Variants in EHMT1 observed in about 807,000 individuals in gnomAD.
The protein encoded by EHMT1 is histone-lysine N-methyltransferase EHMT1.
Under a neutral mutation model 147.2 loss-of-function variants are expected in EHMT1, and 15 were observed. The ratio of observed to expected loss-of-function variants is 0.10; its 90% CI spans 0.07 to 0.16. EHMT1 has a LOEUF of 0.16. Ranked by LOEUF, EHMT1 falls within the 10% of genes least tolerant of loss-of-function variation. The pLI, the probability that EHMT1 is intolerant of heterozygous loss-of-function variation, is 1.00. For synonymous variants in EHMT1, 795 were observed against 709.6 expected, an observed-to-expected ratio of 1.12 and a Z score of -1.91; for missense variants, 1,587 against 1,772.4, an observed-to-expected ratio of 0.90 and a Z score of 1.88.
intron 12 of EHMT1, chr9:137,777,156 G>C: frequency 2.7e-6 from 1 of 373,694 alleles, no homozygotes; most frequent in South Asian, 2.4e-5. Context: ...CGATAGACGA[G>C]TGGTGGCTGC....
intron 17 of EHMT1, among the ~76,000 whole-genome samples, chr9:137,800,031 C>T (rs1213552663): frequency 6.6e-6 from 1 of 152,160 alleles, no homozygotes; most frequent in Non-Finnish European, 1.5e-5. Flanking sequence ...ATCATGAAGG[C>T]TGCTGTGTCT....
chr9:137,641,415 G>A, intron 1 of EHMT1: 1 of 535,084 alleles, frequency 1.9e-6, no homozygotes, highest in Non-Finnish European at 3.7e-6. Flanking sequence ...TTCAAATTCT[G>A]TCACTTCAGC....
chr9:137,692,033 T>C (rs1436532283), intron 1 of EHMT1, among the ~76,000 whole-genome samples: 1 of 152,116 alleles, frequency 6.6e-6, no homozygotes, highest in Non-Finnish European at 1.5e-5. Flanking sequence ...TGTATTGAAG[T>C]GCAAAACAGG....
At position 137,780,366 on chromosome 9, in the gene EHMT1, C is replaced by T. The variant is rs78766924; in HGVS notation, c.2275+649C>T. 2.8e-3 allele frequency among the ~76,000 whole-genome samples: 308 copies of T among 111,844 alleles called. 13 individuals carry two copies. Among genetic ancestry groups the T allele is most frequent in the Middle Eastern group, 0.023 (3 of 130 alleles). The allele number at this position is 111,844 out of a possible 152,430, so 73.4% of individuals were successfully genotyped here. A position where few individuals can be genotyped will look rare whatever the true frequency, so the allele number is the denominator to read the frequency against. On this transcript the variant is annotated intron_variant, in intron 14 of 26. Transcript: ENST00000460843. Reference sequence around the variant, plus strand: ...ATGACGCTGAGACGTGTGGTGATGACGCTGAGACGTGTGATGACGCTGGGA... The same window carrying T: ...ATGACGCTGAGACGTGTGGTGATGATGCTGAGACGTGTGATGACGCTGGGA...
Position 137,717,072 on chromosome 9 carries a change from A to C in EHMT1, c.532A>C (p.Thr178Pro). 3 of 1,606,932 alleles carry C rather than the reference A, an allele frequency of 1.9e-6. No individual in the cohort carries two copies. Among genetic ancestry groups the C allele is most frequent in the Non-Finnish European group, 2.6e-6 (3 of 1,175,908 alleles). ...FPQTPAAPPATLGEGSADTED... is the reference protein window; with the variant it reads ...FPQTPAAPPAPLGEGSADTED... ...CCAGACGCCAGCCGCCCCACCAGCCACCCTTGGGGAGGGGAGTGCTGACAC... is the reference window on the plus strand; with the variant it reads ...CCAGACGCCAGCCGCCCCACCAGCCCCCCTTGGGGAGGGGAGTGCTGACAC... The change falls in exon 3 of 27, where the codon ACC becomes CCC. Residue 178 changes from threonine (T) to proline (P), a missense_variant. Around this residue, in one of 7 missense-constraint regions of EHMT1, gnomAD observed 810 missense variants for 673.0 expected, o/e 1.20. Coordinates refer to ENST00000460843, the MANE Select transcript of EHMT1 (RefSeq NM_024757.5).
At position 137,667,919 on chromosome 9, in the gene EHMT1, T is replaced by C. The variant is rs554164244; in HGVS notation, c.22-43048T>C. On this transcript the variant is annotated intron_variant, in intron 1 of 26. Transcript: ENST00000460843. ...TCCAGAAAAGAGCCTATCCAAATTA[T>C]CTTTACCTTCAGGGTAAATTACCTT... Among the ~76,000 whole-genome samples, 16 of 152,316 alleles carry C rather than the reference T, an allele frequency of 1.1e-4. No homozygotes were observed. In the South Asian group the frequency reaches 3.3e-3, roughly 32 times the overall value.
At chr9:137,636,896 C>CTT (rs35700929) in intron 1 of EHMT1, among the ~76,000 whole-genome samples, 81 of 120,932 alleles carry the variant, frequency 6.7e-4, no homozygotes, top group East Asian at 2.7e-3. Flanking sequence ...CAGTTTCACT[C>CTT]TTTTTTTTTT....
chr9:137,750,004 C>G (rs1424248502), intron 6 of EHMT1, among the ~76,000 whole-genome samples: 1 of 152,166 alleles, frequency 6.6e-6, no homozygotes, highest in African/African-American at 2.4e-5. Context: ...CCTGCTGATT[C>G]TGTAAGAGAA....
At chr9:137,742,779 C>T (rs1168873344) in intron 4 of EHMT1, among the ~76,000 whole-genome samples, 5 of 152,126 alleles carry the variant, frequency 3.3e-5, no homozygotes, top group African/African-American at 7.2e-5. Context: ...TGGATTGCAG[C>T]GCAAGGAGGA....
intron 18 of EHMT1, chr9:137,802,716 GCCTC>G: frequency 3.3e-6 from 3 of 905,460 alleles, no homozygotes; most frequent in Non-Finnish European, 4.3e-6. Flanking sequence ...GGCACCCGCT[GCCTC>G]CCTGCAGGCA....
At chr9:137,632,143 A>T (rs991194276) in intron 1 of EHMT1, among the ~76,000 whole-genome samples, 1 of 152,224 alleles carries the variant, frequency 6.6e-6, no homozygotes, top group Non-Finnish European at 1.5e-5. Context: ...CTGATGACGC[A>T]TATCTCCGAA....
At position 137,672,503 on chromosome 9, in the gene EHMT1, C is replaced by A. The variant is rs76775399; in HGVS notation, c.22-38464C>A. The stretch of plus-strand genomic sequence containing the variant: ...TTGACATGGTAACACTAACTTGGTG[C>A]CATTCTGGCAACTCGTGGACAAAAT... On this transcript the variant is annotated intron_variant, in intron 1 of 26. Coordinates refer to ENST00000460843, the MANE Select transcript of EHMT1 (RefSeq NM_024757.5). Among the ~76,000 whole-genome samples, 69 of 139,154 alleles carry A rather than the reference C, an allele frequency of 5.0e-4. 1 individual carries two copies. In the East Asian group the frequency reaches 0.013, roughly 26 times the overall value. The allele number at this position is 139,154 out of a possible 152,430, so 91.3% of individuals were successfully genotyped here.
At chr9:137,830,609 C>G (rs1956124821) in intron 25 of EHMT1, among the ~76,000 whole-genome samples, 1 of 152,040 alleles carries the variant, frequency 6.6e-6, no homozygotes, top group Non-Finnish European at 1.5e-5. Flanking sequence ...ACCAGTCCAG[C>G]TCCCGGATGG....
intron 10 of EHMT1, among the ~76,000 whole-genome samples, chr9:137,768,527 G>GTTTTT (rs1564725367): frequency 1.8e-4 from 5 of 28,142 alleles, no homozygotes; most frequent in Non-Finnish European, 2.3e-4. Flanking sequence ...CTAATTTTTT[G>GTTTTT]TATTTTTTTT....
chr9:137,728,576 G>A (rs777605086), intron 4 of EHMT1, 47 bp downstream of exon 4: 9 of 1,612,698 alleles, frequency 5.6e-6, no homozygotes, highest in Admixed American at 1.7e-5. Flanking sequence ...TGTATGTTTC[G>A]AGCCTGCCCC....
chr9:137,764,427 C>T (rs1335300278), intron 10 of EHMT1: 1 of 152,232 alleles, frequency 6.6e-6, no homozygotes, highest in Admixed American at 6.5e-5. Context: ...AAAGAACTTT[C>T]CATAGTGACA....
chr9:137,628,974 T>G (rs1395072841), intron 1 of EHMT1, among the ~76,000 whole-genome samples: 1 of 152,210 alleles, frequency 6.6e-6, no homozygotes, highest in Non-Finnish European at 1.5e-5. Context: ...ATTTTTTTTT[T>G]CAATCATTTC....
chr9:137,742,289 T>TTGTGTGTG (rs56080406), intron 4 of EHMT1, among the ~76,000 whole-genome samples: 8,994 of 134,962 alleles, frequency 0.067, 392 homozygotes, highest in Admixed American at 0.13. Context: ...AGAACCAAAT[T>TTGTGTGTG]TGTGTGTGTG....
intron 25 of EHMT1, among the ~76,000 whole-genome samples, chr9:137,822,141 AT>A (rs1220319459): frequency 2.6e-5 from 4 of 151,968 alleles, no homozygotes; most frequent in Non-Finnish European, 5.9e-5. Flanking sequence ...CTGCATTCAC[AT>A]TTTCTATAAA....
Sources: gnomAD v4.1 joint callset for allele counts (sites outside exome capture counted in the v4.1 genomes callset) on GRCh38, gnomAD v4.1.1 for gene constraint, gnomAD v4.1.1 regional missense constraint, MANE v1.5 for transcripts, NCBI Gene and HGNC (gene_info 2026-07-23, HGNC 2026-07-21) for gene names.